Variants in GRB10 observed in about 807,000 individuals in gnomAD.
GRB10 encodes the protein growth factor receptor bound protein 10, also known as growth factor receptor-bound protein 10.
Under a neutral mutation model 80.9 loss-of-function variants are expected in GRB10, and 20 were observed. That is an observed-to-expected ratio of 0.25 (90% CI 0.17 to 0.36). The LOEUF (loss-of-function observed/expected upper bound fraction) is 0.36. GRB10 is among the 10% of genes least tolerant of loss of function. The probability of loss-of-function intolerance (pLI) is 1.00; values close to 1 mark genes in which losing one functional copy is unlikely to be tolerated. For synonymous variants in GRB10, 291 were observed against 291.5 expected, an observed-to-expected ratio of 1.00 and a Z score of 0.02; for missense variants, 548 against 747.7, an observed-to-expected ratio of 0.73 and a Z score of 3.12.
intron 13 of GRB10, among the ~76,000 whole-genome samples, chr7:50,609,945 A>G (rs1043129187): frequency 2.0e-5 from 3 of 152,238 alleles, no homozygotes; most frequent in East Asian, 3.9e-4. Flanking sequence ...TTTTTTCAAG[A>G]AAGTGTATCT....
chr7:50,619,375 ATTC>A lies in GRB10; in HGVS notation c.662-93_662-91del, dbSNP rs890738683. ...AAATGGAAGATTTGTTCAACTTTCT[ATTC>A]TTCTTTAAACATTATGAATAAAGAT... is the stretch of plus-strand genomic sequence containing the variant. On this transcript the variant is annotated intron_variant, in intron 8 of 18. Coordinates refer to ENST00000401949, the MANE Select transcript of GRB10 (RefSeq NM_001350814.2). 1.5e-4 allele frequency: 122 copies of A among 815,722 alleles called. No individual in the cohort carries two copies. In the African/African-American group the frequency reaches 1.6e-3, roughly 11 times the overall value. The allele number at this position is 815,722 out of a possible 1,614,324, so 50.5% of individuals were successfully genotyped here.
chr7:50,703,041 T>TTTTGG (rs1405281853), intron 5 of GRB10, among the ~76,000 whole-genome samples: 6 of 152,236 alleles, frequency 3.9e-5, no homozygotes, highest in African/African-American at 7.2e-5. Context: ...TTCTAAAAGA[T>TTTTGG]GATCCCAAAA....
intron 4 of GRB10, among the ~76,000 whole-genome samples, chr7:50,704,336 T>C (rs2715103): frequency 0.12 from 17,823 of 152,256 alleles, 3,506 homozygotes; most frequent in African/African-American, 0.41. Context: ...TGGTTCCCTC[T>C]ACAAAATGTT....
In GRB10 at chr7:50,669,838, A is replaced by G. The variant is rs1157657967; in HGVS notation, c.388T>C (p.Phe130Leu). The stretch of plus-strand genomic sequence containing the variant: ...ATGGCCGGCAGAGATGAGGTTCTAA[A>G]CTGCTGGTCTTCCTCCTGAAGGCGC... ...VRRLQEEDQQ[F>L]RTSSLPAIPN... Residue 130 changes from phenylalanine to leucine, a missense_variant, in exon 7 of 19, where the codon TTT becomes CTT. By Grantham distance (22) the Phe-to-Leu change is conservative (BLOSUM62 0). Transcript: ENST00000401949. The G allele has an allele frequency of 1.2e-6, 2 of 1,613,196 alleles. No individual in the cohort carries two copies. Among genetic ancestry groups the G allele is most frequent in the African/African-American group, 1.3e-5 (1 of 74,906 alleles).
At chr7:50,723,787 C>T (rs1563603396) in intron 4 of GRB10, among the ~76,000 whole-genome samples, 2 of 152,216 alleles carry the variant, frequency 1.3e-5, no homozygotes, top group African/African-American at 2.4e-5. Context: ...GCTCACCTCC[C>T]GCTGGCCACA....
chr7:50,621,870 A>G (rs923000795), intron 8 of GRB10, among the ~76,000 whole-genome samples: 1 of 152,256 alleles, frequency 6.6e-6, no homozygotes, highest in Non-Finnish European at 1.5e-5. Flanking sequence ...TCAAGAAAAA[A>G]TATTTAAATA....
chr7:50,792,712 T>TCCCGGACG lies in GRB10; in HGVS notation c.-294+504_-294+511dup, dbSNP rs1027407829. The TCCCGGACG allele has an allele frequency of 2.7e-3, 929 of 350,406 alleles. 11 individuals carry two copies. Among genetic ancestry groups the TCCCGGACG allele is most frequent in the African/African-American group, 0.018 (841 of 46,844 alleles). The allele number at this position is 350,406 out of a possible 1,614,324, so 21.7% of individuals were successfully genotyped here. A position where few individuals can be genotyped will look rare whatever the true frequency, so the allele number is the denominator to read the frequency against. On this transcript the variant is annotated intron_variant, in intron 1 of 16. Coordinates refer to the GRB10 transcript ENST00000335866. ...GATTTGGGAGTGTCTGGCACCACTG[T>TCCCGGACG]CCCGGACGCCCGGACGCCCGGGCGC...
At position 50,754,878 on chromosome 7, in the gene GRB10, A is replaced by G. The variant is rs577551608; in HGVS notation, c.-47+1009T>C. 1.5e-4 allele frequency among the ~76,000 whole-genome samples: 23 copies of G among 152,286 alleles called. No homozygotes were observed. In the South Asian group the frequency reaches 4.8e-3, roughly 32 times the overall value. ...GCCTTTACAGAGGTCACTAAGTTAA[A>G]ACCGGGTCACAAAGGTGGGCCCTAA... is the stretch of plus-strand genomic sequence containing the variant. On this transcript the variant is annotated intron_variant, in intron 3 of 18. Transcript: ENST00000401949.
At chr7:50,688,295 A>C (rs1300075723) in intron 5 of GRB10, among the ~76,000 whole-genome samples, 2 of 152,248 alleles carry the variant, frequency 1.3e-5, no homozygotes, top group Non-Finnish European at 2.9e-5. Flanking sequence ...ATAAACTGCA[A>C]AGGCAGACAT....
In GRB10 at chr7:50,606,270, G is replaced by A. The variant is rs952818270; in HGVS notation, c.1272+67C>T. ...TTGCCCACCCTGTGTGAAATGAGGC[G>A]TCCTTAACACATGTGATGCAGAAGC... On this transcript the variant is annotated intron_variant, in intron 14 of 18. Coordinates refer to ENST00000401949, the MANE Select transcript of GRB10 (RefSeq NM_001350814.2). 75 of 1,243,140 alleles carry A rather than the reference G, an allele frequency of 6.0e-5. 1 individual carries two copies. Among genetic ancestry groups the A allele is most frequent in the Admixed American group, 3.0e-4 (18 of 59,550 alleles). The allele number at this position is 1,243,140 out of a possible 1,614,324, so 77.0% of individuals were successfully genotyped here.
At chr7:50,621,406 C>T (rs2051714806) in intron 8 of GRB10, among the ~76,000 whole-genome samples, 1 of 152,224 alleles carries the variant, frequency 6.6e-6, no homozygotes, top group African/African-American at 2.4e-5. Flanking sequence ...GGGCGCCTAC[C>T]ATCCCCAGAG....
intron 3 of GRB10, among the ~76,000 whole-genome samples, chr7:50,739,991 G>GC (rs2071437853): frequency 6.6e-6 from 1 of 152,172 alleles, no homozygotes; most frequent in African/African-American, 2.4e-5. Flanking sequence ...AAGGAACCTA[G>GC]CCAGCCCGGA....
intron 5 of GRB10, among the ~76,000 whole-genome samples, chr7:50,692,181 A>T (rs1024253981): frequency 6.6e-6 from 1 of 152,118 alleles, no homozygotes; most frequent in Non-Finnish European, 1.5e-5. Context: ...TAGGGGAGAA[A>T]ATGTGTAGGT....
intron 8 of GRB10, among the ~76,000 whole-genome samples, chr7:50,624,813 T>C (rs1413711692): frequency 6.6e-6 from 1 of 152,178 alleles, no homozygotes; most frequent in Non-Finnish European, 1.5e-5. Context: ...GGTTCGTTAT[T>C]TTTTTATTTT....
upstream of GRB10, among the ~76,000 whole-genome samples, chr7:50,787,867 GGGCCAGGGTGGTGT>G (rs1401160683): frequency 6.6e-6 from 1 of 152,214 alleles, no homozygotes; most frequent in Non-Finnish European, 1.5e-5. Context: ...AGCCTGTCCT[GGGCCAGGGTGGTGT>G]GGCCAGGGTG....
intron 6 of GRB10, among the ~76,000 whole-genome samples, chr7:50,670,386 T>C (rs891753350): frequency 5.9e-5 from 9 of 152,164 alleles, no homozygotes; most frequent in South Asian, 2.1e-4. Flanking sequence ...ACTACCGAAC[T>C]GTACCCTGAA....
At chr7:50,742,269 GCGCACACACACACACA>G (rs1384954995) in intron 3 of GRB10, among the ~76,000 whole-genome samples, 22 of 32,712 alleles carry the variant, frequency 6.7e-4, no homozygotes, top group African/African-American at 7.9e-4. Context: ...GCACGCGCGC[GCGCACACACACACACA>G]CACACACACA....
chr7:50,704,329 T>C (rs1345709769), intron 4 of GRB10, among the ~76,000 whole-genome samples: 1 of 152,202 alleles, frequency 6.6e-6, no homozygotes, highest in Non-Finnish European at 1.5e-5. Flanking sequence ...TTATAAATGG[T>C]TCCCTCTACA....
chr7:50,617,748 G>A (rs974120447), intron 10 of GRB10: 2 of 433,742 alleles, frequency 4.6e-6, no homozygotes, highest in African/African-American at 4.0e-5. Context: ...TGGGGAGGGA[G>A]CCCTGAGACT....
Sources: allele counts gnomAD v4.1 joint callset (sites outside exome capture counted in the v4.1 genomes callset), GRCh38; gene constraint gnomAD v4.1.1; transcripts MANE v1.5; gene names NCBI Gene and HGNC (gene_info 2026-07-23, HGNC 2026-07-21).